Variants in SAMD13 observed in about 807,000 individuals in gnomAD.
The protein encoded by SAMD13 is sterile alpha motif domain-containing protein 13.
In SAMD13, 9 loss-of-function variants were observed where a neutral mutation model predicts 12.4. The ratio of observed to expected loss-of-function variants is 0.72; its 90% CI spans 0.44 to 1.26. The LOEUF (loss-of-function observed/expected upper bound fraction) is 1.26. Among genes scored for constraint, SAMD13 ranks in the 50% most tolerant of loss-of-function variants. SAMD13 has a pLI of 0.00. For missense variants in SAMD13, 84 were observed against 119.6 expected (o/e 0.70, Z 1.39); for synonymous variants, 46 against 45.4 (o/e 1.01, Z -0.05).
chr1:84,335,165 T>C (rs1273959340), intron 3 of SAMD13, among the ~76,000 whole-genome samples: 2 of 152,098 alleles, frequency 1.3e-5, no homozygotes, highest in Non-Finnish European at 2.9e-5. Context: ...CACTATTATT[T>C]TGTAGTCATC....
chr1:84,307,858 A>G (rs966279757), intron 2 of SAMD13, among the ~76,000 whole-genome samples: 6 of 152,214 alleles, frequency 3.9e-5, no homozygotes, highest in Non-Finnish European at 7.4e-5. Context: ...CAGGTGAAAA[A>G]GGCACTATAT....
At chr1:84,336,874 G>T (rs1357062989) in intron 3 of SAMD13, among the ~76,000 whole-genome samples, 2 of 152,176 alleles carry the variant, frequency 1.3e-5, no homozygotes, top group Non-Finnish European at 2.9e-5. Context: ...GGGGGTACAG[G>T]CATTATGTAA....
chr1:84,336,354 G>C (rs1437068505), intron 3 of SAMD13, among the ~76,000 whole-genome samples: 1 of 152,158 alleles, frequency 6.6e-6, no homozygotes, highest in African/African-American at 2.4e-5. Flanking sequence ...AGACTGGGCA[G>C]TTTACAAAAG....
chr1:84,318,202 G>A (rs1430254224), intron 2 of SAMD13, among the ~76,000 whole-genome samples: 1 of 151,912 alleles, frequency 6.6e-6, no homozygotes, highest in Non-Finnish European at 1.5e-5. Flanking sequence ...AAGGTAGAAA[G>A]TTAGGTTGTT....
At chr1:84,334,513 C>T (rs369680156) in intron 3 of SAMD13, among the ~76,000 whole-genome samples, 2 of 151,952 alleles carry the variant, frequency 1.3e-5, no homozygotes, top group South Asian at 2.1e-4. Context: ...ACCAACCCCT[C>T]GATTTGTTCA....
chr1:84,307,259 A>G (rs1678600392), intron 2 of SAMD13, among the ~76,000 whole-genome samples: 1 of 152,150 alleles, frequency 6.6e-6, no homozygotes, highest in Admixed American at 6.6e-5. Flanking sequence ...CGTTTTTGAT[A>G]GCTTCTATTG....
At chr1:84,306,600 A>T (rs907114227) in intron 2 of SAMD13, among the ~76,000 whole-genome samples, 1 of 146,306 alleles carries the variant, frequency 6.8e-6, no homozygotes, top group African/African-American at 2.5e-5. Context: ...AGAGTTCGAG[A>T]CTAGTCTGGC....
At chr1:84,324,147 G>C (rs184459916) in intron 2 of SAMD13, among the ~76,000 whole-genome samples, 1 of 152,258 alleles carries the variant, frequency 6.6e-6, no homozygotes, top group Non-Finnish European at 1.5e-5. Context: ...TCTCTGGGTT[G>C]CATGACTGCA....
At chr1:84,311,585 T>C (rs953697487) in intron 2 of SAMD13, among the ~76,000 whole-genome samples, 2 of 152,166 alleles carry the variant, frequency 1.3e-5, no homozygotes, top group African/African-American at 4.8e-5. Context: ...AATTCAACAG[T>C]AGTATCTGTA....
chr1:84,342,150 C>T (rs1273825727), intron 3 of SAMD13, among the ~76,000 whole-genome samples: 1 of 152,148 alleles, frequency 6.6e-6, no homozygotes, highest in East Asian at 1.9e-4. Context: ...TTGGCCAGAG[C>T]TTAGTCACAT....
At chr1:84,326,132 C>A (rs973518320) in intron 3 of SAMD13, among the ~76,000 whole-genome samples, 2 of 152,128 alleles carry the variant, frequency 1.3e-5, no homozygotes, top group Non-Finnish European at 2.9e-5. Context: ...ACACCACCTC[C>A]TACTACTGGC....
chr1:84,346,396 G>C (rs1481051805), intron 3 of SAMD13, among the ~76,000 whole-genome samples: 1 of 152,156 alleles, frequency 6.6e-6, no homozygotes, highest in African/African-American at 2.4e-5. Context: ...GAACCTGAAG[G>C]TTAATTTTAC....
At chr1:84,302,790 A>G (rs1678480458) in intron 1 of SAMD13, 1 of 559,570 alleles carries the variant, frequency 1.8e-6, no homozygotes, top group African/African-American at 2.1e-5. Flanking sequence ...AACCAAACAC[A>G]ATAAGAAAAA....
At chr1:84,308,420 C>CA (rs1017478819) in intron 2 of SAMD13, among the ~76,000 whole-genome samples, 49 of 152,268 alleles carry the variant, frequency 3.2e-4, no homozygotes, top group African/African-American at 1.1e-3. Context: ...GATATGCCAG[C>CA]ATTACCCCTC....
chr1:84,314,961 C>T lies in SAMD13; in HGVS notation c.54-10676C>T, dbSNP rs111465410. ...CCTTCCTTCCTTCCTTCCCTCCCTCCGTCCCTCCTTCTGTCCCTCCCTCCC... is the reference window on the plus strand; with the variant it reads ...CCTTCCTTCCTTCCTTCCCTCCCTCTGTCCCTCCTTCTGTCCCTCCCTCCC... On this transcript the variant is annotated intron_variant, in intron 2 of 3. Coordinates refer to ENST00000394834, the MANE Select transcript of SAMD13 (RefSeq NM_001134663.2). Among the ~76,000 whole-genome samples the T allele has an allele frequency of 5.6e-3, 846 of 151,388 alleles. 4 individuals are homozygous for T. Among genetic ancestry groups the T allele is most frequent in the African/African-American group, 0.019 (777 of 41,264 alleles).
At chr1:84,320,884 G>T (rs1263570133) in intron 2 of SAMD13, among the ~76,000 whole-genome samples, 1 of 152,140 alleles carries the variant, frequency 6.6e-6, no homozygotes, top group African/African-American at 2.4e-5. Flanking sequence ...ATTACATGTG[G>T]ATTGCATTTA....
Position 84,338,231 on chromosome 1 carries a change from A to G in SAMD13, c.166-11400A>G, listed in dbSNP as rs527812767. On this transcript the variant is annotated intron_variant, in intron 3 of 3. Coordinates refer to ENST00000394834, the MANE Select transcript of SAMD13 (RefSeq NM_001134663.2). Reference sequence around the variant, plus strand: ...CACTCTACTGGTACCAACTTACTGTAGTAGTCTATTTCACACTGCTGATAA... The same window carrying G: ...CACTCTACTGGTACCAACTTACTGTGGTAGTCTATTTCACACTGCTGATAA... Among the ~76,000 whole-genome samples, 104 of 152,192 alleles carry G rather than the reference A, an allele frequency of 6.8e-4. No individual in the cohort carries two copies. In the Middle Eastern group the frequency reaches 0.01, roughly 15 times the overall value.
intron 1 of SAMD13, chr1:84,302,806 T>A (rs2101784376): frequency 1.8e-5 from 4 of 224,980 alleles, no homozygotes; most frequent in East Asian, 2.3e-4. Context: ...AAAAAACAAA[T>A]CAAAGCCCAT....
At chr1:84,300,313 A>G (rs1260824934), upstream of SAMD13, among the ~76,000 whole-genome samples, 1 of 152,210 alleles carries the variant, frequency 6.6e-6, no homozygotes, top group African/African-American at 2.4e-5. Flanking sequence ...CAAGGGAGCA[A>G]TGGCAAATAT....
Sources: allele counts gnomAD v4.1 joint callset (sites outside exome capture counted in the v4.1 genomes callset), GRCh38; gene constraint gnomAD v4.1.1; transcripts MANE v1.5; gene names NCBI Gene and HGNC (gene_info 2026-07-23, HGNC 2026-07-21).